The following SYT16 variants were observed in gnomAD, a reference collection of about 807,000 sequenced individuals.
SYT16 encodes synaptotagmin-16.
Under a neutral mutation model 61.4 loss-of-function variants are expected in SYT16, and 42 were observed. The ratio of observed to expected loss-of-function variants is 0.68; its 90% confidence interval spans 0.53 to 0.89. The LOEUF is 0.89. SYT16 is among the 40% of genes least tolerant of loss of function. The pLI is 0.00. For synonymous variants in SYT16, 314 were observed against 302.3 expected (o/e 1.04, Z -0.40); for missense variants, 804 against 807.3 (o/e 1.00, Z 0.05).
intron 3 of SYT16, among the ~76,000 whole-genome samples, chr14:62,029,884 T>C (rs2054249427): frequency 6.6e-6 from 1 of 152,212 alleles, no homozygotes; most frequent in Non-Finnish European, 1.5e-5. Context: ...TTGTGTGTGT[T>C]TCTGTGTTTG....
chr14:61,934,960 A>C (rs2049919682), intron 1 of SYT16, among the ~76,000 whole-genome samples: 1 of 152,246 alleles, frequency 6.6e-6, no homozygotes, highest in South Asian at 2.1e-4. Context: ...GAGTATTTTC[A>C]TTCCTTCTTC....
At chr14:61,821,112 G>T (rs1218033427) in intron 1 of SYT16, among the ~76,000 whole-genome samples, 1 of 152,028 alleles carries the variant, frequency 6.6e-6, no homozygotes, top group Non-Finnish European at 1.5e-5. Context: ...TGTCAGGTTT[G>T]CAGAGCCCTC....
At chr14:62,087,899 A>G (rs2056940533) in intron 7 of SYT16, among the ~76,000 whole-genome samples, 1 of 152,140 alleles carries the variant, frequency 6.6e-6, no homozygotes. Context: ...GGCCAATAAT[A>G]GAAATGTGAG....
At chr14:61,899,708 TG>T (rs1335335182) in intron 1 of SYT16, among the ~76,000 whole-genome samples, 1 of 152,222 alleles carries the variant, frequency 6.6e-6, no homozygotes, top group Non-Finnish European at 1.5e-5. Context: ...CCGGAAGGCC[TG>T]TTGGTTGGAA....
chr14:62,078,155 C>CTCTCTATATATATATATATATATATA (rs766089633), intron 5 of SYT16, among the ~76,000 whole-genome samples: 2 of 135,932 alleles, frequency 1.5e-5, no homozygotes, highest in African/African-American at 5.8e-5. Flanking sequence ...CTCTCTCTCT[C>CTCTCTATATATATATATATATATATA]TATATATATA....
intron 1 of SYT16, among the ~76,000 whole-genome samples, chr14:61,937,272 C>A (rs1440925152): frequency 6.6e-6 from 1 of 152,188 alleles, no homozygotes; most frequent in Non-Finnish European, 1.5e-5. Flanking sequence ...GGCAACCATG[C>A]CTTGCAGTTT....
intron 3 of SYT16, among the ~76,000 whole-genome samples, chr14:61,998,548 A>G (rs1171592922): frequency 6.6e-6 from 1 of 152,014 alleles, no homozygotes; most frequent in African/African-American, 2.4e-5. Flanking sequence ...TAATTGCTGA[A>G]TCATATTCCA....
chr14:62,078,172 A>AAACACACACACACACACACAC (rs1555382591), intron 5 of SYT16, among the ~76,000 whole-genome samples: 3 of 128,848 alleles, frequency 2.3e-5, no homozygotes, highest in South Asian at 4.9e-4. Context: ...TATATATATA[A>AAACACACACACACACACACAC]ACACACACAC....
intron 1 of SYT16, among the ~76,000 whole-genome samples, chr14:61,876,054 G>A (rs1566644799): frequency 6.6e-6 from 1 of 152,194 alleles, no homozygotes; most frequent in Non-Finnish European, 1.5e-5. Flanking sequence ...TTGCGTGTTT[G>A]TGTGTGTGCG....
chr14:61,816,687 C>A (rs1302951850), intron 1 of SYT16, among the ~76,000 whole-genome samples: 1 of 152,148 alleles, frequency 6.6e-6, no homozygotes, highest in Non-Finnish European at 1.5e-5. Context: ...TCCCTCTCTG[C>A]TGCAGAGAGC....
chr14:61,813,496 T>TA (rs1479290995), intron 1 of SYT16, among the ~76,000 whole-genome samples: 2 of 152,224 alleles, frequency 1.3e-5, no homozygotes, highest in Non-Finnish European at 2.9e-5. Flanking sequence ...TGAAGCCAGA[T>TA]ACGTATTAGT....
In SYT16 at chr14:61,945,712, C is replaced by T. The variant is rs377509972; in HGVS notation, c.-324-24420C>T. ...CTACTAAAAAATACAAAAAATTAGC[C>T]GGGCGTGGTGGCGGGTGCCTGTAGT... On this transcript the variant is annotated intron_variant, in intron 1 of 7. Transcript: ENST00000683842. Among the ~76,000 whole-genome samples the T allele has an allele frequency of 9.9e-5, 15 of 151,894 alleles. No individual in the cohort carries two copies. In the East Asian group the frequency reaches 2.5e-3, roughly 26 times the overall value.
chr14:62,048,691 G>A (rs945262690), intron 3 of SYT16, among the ~76,000 whole-genome samples: 1 of 152,108 alleles, frequency 6.6e-6, no homozygotes, highest in Middle Eastern at 3.4e-3. Flanking sequence ...TGTTCTTGTT[G>A]GTTTCAAAGA....
At chr14:62,011,598 T>G (rs1020817598) in intron 3 of SYT16, among the ~76,000 whole-genome samples, 1 of 151,624 alleles carries the variant, frequency 6.6e-6, no homozygotes, top group Non-Finnish European at 1.5e-5. Flanking sequence ...TACCTGAGAG[T>G]GGAGGAAAGG....
chr14:62,105,114 G>A lies in SYT16; in HGVS notation c.*4407G>A, dbSNP rs1249968648. ...TAATCAGAGATAAGCCTGGTATGTG[G>A]AGGAAATTGAGCCTTAATAGAGTCC... On this transcript the variant is annotated 3_prime_UTR_variant, in exon 8 of 8. Coordinates refer to ENST00000683842, the MANE Select transcript of SYT16 (RefSeq NM_001367656.1). The A allele has an allele frequency of 2.0e-5, 3 of 152,194 alleles. No individual in the cohort carries two copies. The highest frequency in any genetic ancestry group is 7.2e-5 in the African/African-American group (3 of 41,446). The allele number at this position is 152,194 out of a possible 1,614,324, so 9.4% of individuals were successfully genotyped here. A position where few individuals can be genotyped will look rare whatever the true frequency, so the allele number is the denominator to read the frequency against.
intron 3 of SYT16, among the ~76,000 whole-genome samples, chr14:62,064,919 T>A (rs2055995266): frequency 6.6e-6 from 1 of 152,350 alleles, no homozygotes; most frequent in South Asian, 2.1e-4. Context: ...TGACTTCTAT[T>A]GCTGCTCAGT....
chr14:61,971,699 A>T (rs778371487), intron 2 of SYT16, among the ~76,000 whole-genome samples: 16 of 152,238 alleles, frequency 1.1e-4, no homozygotes, highest in Non-Finnish European at 2.1e-4. Context: ...ATATTTTTAA[A>T]TATCTCTGTG....
intron 3 of SYT16, among the ~76,000 whole-genome samples, chr14:62,039,834 T>TAC (rs71449576): frequency 0.1 from 12,700 of 124,218 alleles, 787 homozygotes; most frequent in African/African-American, 0.18. Context: ...GGCTTAAGCA[T>TAC]ACACACACAC....
chr14:61,843,496 A>G (rs2046357152), intron 1 of SYT16, among the ~76,000 whole-genome samples: 1 of 152,132 alleles, frequency 6.6e-6, no homozygotes, highest in African/African-American at 2.4e-5. Flanking sequence ...ATGTCCTGAA[A>G]TGTTTCCCTG....
Sources: allele counts gnomAD v4.1 joint callset (sites outside exome capture counted in the v4.1 genomes callset), GRCh38; gene constraint gnomAD v4.1.1; transcripts MANE v1.5; gene names NCBI Gene and HGNC (gene_info 2026-07-23, HGNC 2026-07-21).